Variants in LHX4 observed in about 807,000 individuals in gnomAD.
LHX4 encodes LIM/homeobox protein Lhx4.
In LHX4, 16 loss-of-function variants were observed where a neutral mutation model predicts 39.2. That is an observed-to-expected ratio of 0.41 (90% CI 0.28 to 0.62). The LOEUF (loss-of-function observed/expected upper bound fraction) is 0.62. LHX4 is among the 20% of genes least tolerant of loss of function. The probability of loss-of-function intolerance (pLI) is 0.33; values close to 1 mark genes in which losing one functional copy is unlikely to be tolerated. For missense variants in LHX4, 439 were observed against 511.9 expected, an observed-to-expected ratio of 0.86 and a Z score of 1.37; for synonymous variants, 206 against 198.1, an observed-to-expected ratio of 1.04 and a Z score of -0.33.
At position 180,262,283 on chromosome 1, in the gene LHX4, A is replaced by G. The variant is rs201460591; in HGVS notation, c.249-4109A>G. Among the ~76,000 whole-genome samples the G allele has an allele frequency of 1.4e-3, 27 of 19,004 alleles. 1 individual carries two copies. In the South Asian group the frequency reaches 0.036, roughly 26 times the overall value. 12.5% of individuals were successfully genotyped at this position (19,004 alleles called of 152,430 possible). On this transcript the variant is annotated intron_variant, in intron 2 of 5. Transcript: ENST00000263726. ...TCCTACAGAGATGACTTTGAAAGGA[A>G]AAAAAAAAAAAAAAAAAGGAAAAAC...
At position 180,274,799 on chromosome 1, in the gene LHX4, AG is replaced by A. The variant is rs1043776625; in HGVS notation, c.*225del. 1.8e-5 allele frequency: 10 copies of A among 558,486 alleles called. No individual in the cohort carries two copies. The highest frequency in any genetic ancestry group is 4.7e-4 in the Middle Eastern group (1 of 2,142). 34.6% of individuals were successfully genotyped at this position (558,486 alleles called of 1,614,324 possible). ...GCAGACTCATCTCAGAACACAGCAC[AG>A]GGGGTAATGGCCTAGAGCTCTAGGG... On this transcript the variant is annotated 3_prime_UTR_variant, in exon 6 of 6. Coordinates refer to ENST00000263726, the MANE Select transcript of LHX4 (RefSeq NM_033343.4).
rs1013755823 is a variant in LHX4, at chr1:180,230,753, G to C, written c.76+148G>C. ...GGTCACAGGGCAGGGGCACCAGCCAGAGTGCGTTTGAGGGGGCCAGGCTCT... is the reference window on the plus strand; with the variant it reads ...GGTCACAGGGCAGGGGCACCAGCCACAGTGCGTTTGAGGGGGCCAGGCTCT... On this transcript the variant is annotated intron_variant, in intron 1 of 5. Transcript: ENST00000263726. This position sits in a 1 kb window ranked among gnomAD's most constrained non-coding sequence, Gnocchi z 5.8. 5.0e-5 allele frequency: 37 copies of C among 736,822 alleles called. No homozygotes were observed. The African/African-American group carries it at 5.9e-4, about 12-fold the overall frequency. 45.6% of individuals were successfully genotyped at this position (736,822 alleles called of 1,614,324 possible).
chr1:180,254,443 G>A (rs357067), intron 2 of LHX4, among the ~76,000 whole-genome samples: 3,421 of 152,358 alleles, frequency 0.022, 118 homozygotes, highest in African/African-American at 0.075. Flanking sequence ...CCAAGGGCAG[G>A]TAGGCAGCGT....
intron 1 of LHX4, among the ~76,000 whole-genome samples, chr1:180,247,558 A>C (rs1647438907): frequency 6.6e-6 from 1 of 152,190 alleles, no homozygotes; most frequent in African/African-American, 2.4e-5. Flanking sequence ...TCTGAATTCA[A>C]GTCTTTCCCA....
chr1:180,247,669 CAT>C (rs1647442202), intron 1 of LHX4, among the ~76,000 whole-genome samples: 1 of 152,212 alleles, frequency 6.6e-6, no homozygotes, highest in South Asian at 2.1e-4. Flanking sequence ...CCGGAAGGCA[CAT>C]TAGGATGAGG....
chr1:180,254,715 G>C lies in LHX4; in HGVS notation c.248+6259G>C, dbSNP rs542931013. Among the ~76,000 whole-genome samples the C allele has an allele frequency of 7.2e-4, 109 of 152,340 alleles. 1 individual carries two copies. The South Asian group carries it at 0.021, about 30-fold the overall frequency. On this transcript the variant is annotated intron_variant, in intron 2 of 5. Coordinates refer to ENST00000263726, the MANE Select transcript of LHX4 (RefSeq NM_033343.4). ...AGCAGGTGCGGGGTTTTGAGTCCAG[G>C]CTCAGCGTGAACTTGGGGCGTTAGA...
upstream of LHX4, among the ~76,000 whole-genome samples, chr1:180,228,932 A>G (rs1664087970): frequency 6.6e-6 from 1 of 151,810 alleles, no homozygotes; most frequent in South Asian, 2.1e-4. Context: ...GCATTTCTGG[A>G]AGGAAATGCC....
At chr1:180,245,749 AC>A (rs1647358194) in intron 1 of LHX4, among the ~76,000 whole-genome samples, 2 of 151,904 alleles carry the variant, frequency 1.3e-5, no homozygotes, top group Non-Finnish European at 2.9e-5. Flanking sequence ...TGTCATCATC[AC>A]CCCCTTTTAC....
rs1480587471 is a variant in LHX4 at position 180,277,690 on chromosome 1, G to A, written c.*3111G>A. 1 of 152,140 alleles carries A rather than the reference G, an allele frequency of 6.6e-6. No individual in the cohort carries two copies. Among genetic ancestry groups the A allele is most frequent in the African/African-American group, 2.4e-5 (1 of 41,418 alleles). The allele number at this position is 152,140 out of a possible 1,614,324, so 9.4% of individuals were successfully genotyped here. Reference sequence around the variant, plus strand: ...TTCAAGGACTTGCTATGCAACCTCAGGCAAATTCCTCTCAGTCTTTGTGCT... The same window carrying A: ...TTCAAGGACTTGCTATGCAACCTCAAGCAAATTCCTCTCAGTCTTTGTGCT... On this transcript the variant is annotated 3_prime_UTR_variant, in exon 6 of 6. Transcript: ENST00000263726.
At chr1:180,241,713 A>G (rs1414918715) in intron 1 of LHX4, among the ~76,000 whole-genome samples, 2 of 152,250 alleles carry the variant, frequency 1.3e-5, no homozygotes, top group Non-Finnish European at 2.9e-5. Context: ...GAAGACCTAA[A>G]GATTTGCAGA....
chr1:180,259,740 G>C (rs565430547), intron 2 of LHX4, among the ~76,000 whole-genome samples: 1 of 151,842 alleles, frequency 6.6e-6, no homozygotes, highest in African/African-American at 2.4e-5. Flanking sequence ...GTGTGGGGAG[G>C]GACAGGTGGG....
chr1:180,250,441 T>C (rs1647578309), intron 2 of LHX4, among the ~76,000 whole-genome samples: 1 of 152,118 alleles, frequency 6.6e-6, no homozygotes, highest in East Asian at 1.9e-4. Flanking sequence ...GGGCCTAGCC[T>C]TGGGGTCGGG....
At chr1:180,250,253 C>A (rs1289022108) in intron 2 of LHX4, among the ~76,000 whole-genome samples, 1 of 151,946 alleles carries the variant, frequency 6.6e-6, no homozygotes, top group Non-Finnish European at 1.5e-5. Flanking sequence ...ATTTTCCTTC[C>A]TCTATGATGT....
At chr1:180,231,849 T>G (rs979169271) in intron 1 of LHX4, among the ~76,000 whole-genome samples, 8 of 152,108 alleles carry the variant, frequency 5.3e-5, no homozygotes, top group African/African-American at 1.9e-4. Context: ...CCGGCGATCC[T>G]TCGGAGGGCA....
upstream of LHX4, among the ~76,000 whole-genome samples, chr1:180,230,015 G>GC (rs914433549): frequency 3.0e-4 from 37 of 123,106 alleles, no homozygotes; most frequent in Admixed American, 1.1e-3. This position sits in a 1 kb window ranked among gnomAD's most constrained non-coding sequence, Gnocchi z 5.8. Flanking sequence ...CTGCCGCCCC[G>GC]CCCCCCTCCG....
chr1:180,248,561 A>C, intron 2 of LHX4, 105 bp downstream of exon 2: 1 of 1,243,786 alleles, frequency 8.0e-7, no homozygotes, highest in Non-Finnish European at 1.2e-6. Context: ...TGGAGAGTCC[A>C]CTCTGGGAGG....
At chr1:180,231,360 GC>G (rs1369929609) in intron 1 of LHX4, among the ~76,000 whole-genome samples, 1 of 151,784 alleles carries the variant, frequency 6.6e-6, no homozygotes, top group Non-Finnish European at 1.5e-5. Flanking sequence ...TAGCCTGCCC[GC>G]CCGCTTTCTT....
In LHX4 at chr1:180,266,398, C is replaced by T. The variant is rs367664877; in HGVS notation, c.255C>T (p.Phe85=). The change falls in exon 3 of 6, where the codon TTC becomes TTT. Residue 85 remains phenylalanine (F), a synonymous_variant. Transcript: ENST00000263726. This position sits in a 1 kb window ranked among gnomAD's most constrained non-coding sequence, Gnocchi z 5.7. The part of the protein sequence containing the change: ...VYCKEDFFKR[F]GTKCTACQQG... Reference sequence around the variant, plus strand: ...TTTCCTGCTGCCCTGACAGGCGCTTCGGCACAAAATGCACGGCCTGCCAGC... The same window carrying T: ...TTTCCTGCTGCCCTGACAGGCGCTTTGGCACAAAATGCACGGCCTGCCAGC... 104 of 1,614,110 alleles carry T rather than the reference C, an allele frequency of 6.4e-5. No homozygotes were observed. The highest frequency in any genetic ancestry group is 3.3e-4 in the South Asian group (30 of 91,084).
At chr1:180,236,166 CA>C in intron 1 of LHX4, among the ~76,000 whole-genome samples, 1 of 138,606 alleles carries the variant, frequency 7.2e-6, no homozygotes, top group Non-Finnish European at 1.5e-5. Context: ...CTGCAAATAC[CA>C]GGGTCCATTT....
Sources: gnomAD v4.1 joint callset for allele counts (sites outside exome capture counted in the v4.1 genomes callset) on GRCh38, gnomAD v4.1.1 for gene constraint, Gnocchi (gnomAD v3.1) non-coding constraint, MANE v1.5 for transcripts, NCBI Gene and HGNC (gene_info 2026-07-23, HGNC 2026-07-21) for gene names.